FAM20C: variants seen among roughly 807,000 people sequenced by gnomAD.
FAM20C encodes the protein FAM20C golgi associated secretory pathway kinase, also known as extracellular serine/threonine protein kinase FAM20C.
In FAM20C, 40 loss-of-function variants were observed where a neutral mutation model predicts 51.5. That is an observed-to-expected ratio of 0.78 (90% CI 0.60 to 1.01). The LOEUF (loss-of-function observed/expected upper bound fraction) is 1.01. FAM20C is among the 50% of genes least tolerant of loss of function. FAM20C has a pLI of 0.00. For missense variants in FAM20C, 861 were observed against 844.7 expected (o/e 1.02, Z -0.24); for synonymous variants, 406 against 380.6 (o/e 1.07, Z -0.78).
rs1026706693 is a variant in FAM20C at position 248,580 on chromosome 7, C to G, written c.1072+150C>G. On this transcript the variant is annotated intron_variant, in intron 5 of 9. Transcript: ENST00000313766. ...GGCCCACATTCACCTCTCCAGGTAG[C>G]CTGGCACGGGGGGCCGCATTCATCT... The G allele has an allele frequency of 1.5e-5, 9 of 585,504 alleles. No individual in the cohort carries two copies. Among genetic ancestry groups the G allele is most frequent in the African/African-American group, 7.9e-5 (4 of 50,586 alleles). 36.3% of individuals were successfully genotyped at this position (585,504 alleles called of 1,614,324 possible). A position where few individuals can be genotyped will look rare whatever the true frequency, so the allele number is the denominator to read the frequency against.
At chr7:208,782 G>T (rs1388426669) in intron 2 of FAM20C, 116 bp from the exon 3 acceptor site, 1 of 980,400 alleles carries the variant, frequency 1.0e-6, no homozygotes, top group East Asian at 2.7e-5. Flanking sequence ...AGGCAGAGTG[G>T]GACCCCTGGA....
chr7:225,668 G>A (rs1787412937), intron 3 of FAM20C, among the ~76,000 whole-genome samples: 1 of 22,156 alleles, frequency 4.5e-5, no homozygotes, highest in Non-Finnish European at 8.2e-5. Context: ...TGAGCAGAAC[G>A]GCACCGTCAC....
chr7:210,301 G>A (rs1786651563), intron 3 of FAM20C, among the ~76,000 whole-genome samples: 1 of 152,164 alleles, frequency 6.6e-6, no homozygotes, highest in Non-Finnish European at 1.5e-5. Flanking sequence ...TGGGCCTCTC[G>A]TGGCCTCTGC....
At chr7:210,176 G>A (rs1049871682) in intron 3 of FAM20C, among the ~76,000 whole-genome samples, 10 of 152,230 alleles carry the variant, frequency 6.6e-5, no homozygotes, top group South Asian at 2.1e-4. Context: ...TGGGATGAAC[G>A]CACGGGAGCT....
At chr7:258,532 C>T (rs1234041516) in intron 8 of FAM20C, 114 bp from the exon 9 acceptor site, 2 of 1,052,206 alleles carry the variant, frequency 1.9e-6, no homozygotes, top group Admixed American at 2.0e-5. Flanking sequence ...TGGGTGGACC[C>T]ACTGCCTGGG....
At position 246,402 on chromosome 7, in the gene FAM20C, C is replaced by A; in HGVS notation, c.864-13C>A. On this transcript the variant is annotated splice_polypyrimidine_tract_variant and intron_variant, in intron 3 of 9. Transcript: ENST00000313766. ...AGTGACAAACCGTTTCTGTTTCTGTCTTGTTTTCTCAGACAAACGAGGGAG... is the reference window on the plus strand; with the variant it reads ...AGTGACAAACCGTTTCTGTTTCTGTATTGTTTTCTCAGACAAACGAGGGAG... 1 of 1,408,384 alleles carries A rather than the reference C, an allele frequency of 7.1e-7. No homozygotes were observed. The highest frequency in any genetic ancestry group is 9.3e-7 in the Non-Finnish European group (1 of 1,073,072). The allele number at this position is 1,408,384 out of a possible 1,614,324, so 87.2% of individuals were successfully genotyped here.
rs567474179 is a variant in FAM20C, at chr7:212,238, G to A, written c.863+3262G>A. On this transcript the variant is annotated intron_variant, in intron 3 of 9. Coordinates refer to ENST00000313766, the MANE Select transcript of FAM20C (RefSeq NM_020223.4). ...AGCACTTCGGGAGGCCGAGGCTGGC[G>A]GATCATTTGAATCCAGGAGTTCAAG... is the stretch of plus-strand genomic sequence containing the variant. Among the ~76,000 whole-genome samples the A allele has an allele frequency of 9.2e-5, 14 of 152,330 alleles. No homozygotes were observed. In the East Asian group the frequency reaches 1.5e-3, roughly 17 times the overall value.
chr7:194,026 G>A (rs1785728352), intron 1 of FAM20C: 1 of 656,442 alleles, frequency 1.5e-6, no homozygotes. Context: ...TGTGCCCTGT[G>A]GCTGCTGGTG....
At chr7:205,841 C>A (rs1034607921) in intron 2 of FAM20C, among the ~76,000 whole-genome samples, 6 of 152,122 alleles carry the variant, frequency 3.9e-5, no homozygotes, top group Non-Finnish European at 7.4e-5. Context: ...CCAGGCCCCC[C>A]ACGAAGCCCG....
At position 208,913 on chromosome 7, in the gene FAM20C, G is replaced by A. The variant is rs754940345; in HGVS notation, c.800G>A (p.Gly267Asp). 1.3e-6 allele frequency: 2 copies of A among 1,578,112 alleles called. No homozygotes were observed. The highest frequency in any genetic ancestry group is 2.3e-5 in the East Asian group (1 of 42,864). The stretch of plus-strand genomic sequence containing the variant: ...CTTCCTGCAGCCATGAAGTCGGGGG[G>A]CACGCAGCTGAAGCTCATCATGACC... ...RITSVAMKSGGTQLKLIMTFQ... is the reference protein window; with the variant it reads ...RITSVAMKSGDTQLKLIMTFQ... The change falls in exon 3 of 10, where the codon GGC becomes GAC. Residue 267 changes from glycine (G) to aspartate (D), a missense_variant. By Grantham distance (94) the Gly-to-Asp change is moderately conservative. Coordinates refer to ENST00000313766, the MANE Select transcript of FAM20C (RefSeq NM_020223.4).
intron 5 of FAM20C, among the ~76,000 whole-genome samples, chr7:252,214 C>T (rs944758011): frequency 2.0e-5 from 3 of 151,568 alleles, no homozygotes; most frequent in Non-Finnish European, 2.9e-5. Flanking sequence ...CTCGGCCTCC[C>T]GACCAAGGAT....
intron 7 of FAM20C, 52 bp downstream of exon 7, chr7:256,815 G>C: frequency 2.7e-6 from 4 of 1,482,878 alleles, no homozygotes; most frequent in Non-Finnish European, 2.7e-6. Flanking sequence ...TGCGTGGAGC[G>C]GATGCACGCA....
In FAM20C at chr7:220,570, G is replaced by T. The variant is rs373820394; in HGVS notation, c.863+11594G>T. Among the ~76,000 whole-genome samples, 35 of 152,318 alleles carry T rather than the reference G, an allele frequency of 2.3e-4. No homozygotes were observed. The East Asian group carries it at 5.8e-3, about 25-fold the overall frequency. Reference sequence around the variant, plus strand: ...CTCTCCCACAAACTGAGTTAAGCATGACCTCTGTGTAGGCACCGCCTGGGG... The same window carrying T: ...CTCTCCCACAAACTGAGTTAAGCATTACCTCTGTGTAGGCACCGCCTGGGG... On this transcript the variant is annotated intron_variant, in intron 3 of 9. Transcript: ENST00000313766.
At chr7:223,217 A>AAGTGTGGGCGTGTACAGC (rs1787319352) in intron 3 of FAM20C, among the ~76,000 whole-genome samples, 1 of 152,102 alleles carries the variant, frequency 6.6e-6, no homozygotes, top group Admixed American at 6.5e-5. Flanking sequence ...CCAAAGCCTG[A>AAGTGTGGGCGTGTACAGC]AGTGTGGGCG....
intron 3 of FAM20C, 58 bp downstream of exon 3, chr7:209,034 C>A: frequency 6.6e-7 from 1 of 1,515,926 alleles, no homozygotes; most frequent in Non-Finnish European, 9.0e-7. Flanking sequence ...GGCGAGCAGG[C>A]GCCGGGCTTC....
At chr7:201,137 A>G (rs1786109851) in intron 2 of FAM20C, among the ~76,000 whole-genome samples, 1 of 152,044 alleles carries the variant, frequency 6.6e-6, no homozygotes, top group African/African-American at 2.4e-5. Context: ...GTGAGGCCCT[A>G]CTTCCAGCAC....
rs1785829555 is a variant in FAM20C at position 195,648 on chromosome 7, A to G, written c.700A>G (p.Asn234Asp). The change falls in exon 2 of 10, where the codon AAC becomes GAC. Residue 234 changes from asparagine to aspartate, a missense_variant. This residue lies in a region of FAM20C where 561 missense variants were observed against 499.8 expected (regional missense o/e 1.12). Coordinates refer to ENST00000313766, the MANE Select transcript of FAM20C (RefSeq NM_020223.4). ...PNWLKFHIGI[N>D]RYELYSRHNP... ...CTGGCTCAAGTTCCACATTGGTATC[A>G]ACCGGTACGAGCTGTACTCCAGACA... 1 of 1,611,280 alleles carries G rather than the reference A, an allele frequency of 6.2e-7. No individual in the cohort carries two copies. Among genetic ancestry groups the G allele is most frequent in the African/African-American group, 1.3e-5 (1 of 74,848 alleles).
At chr7:209,416 G>A (rs1323635078) in intron 3 of FAM20C, among the ~76,000 whole-genome samples, 1 of 152,192 alleles carries the variant, frequency 6.6e-6, no homozygotes, top group Non-Finnish European at 1.5e-5. Flanking sequence ...TTCAGCGGGT[G>A]GTCCTAGCCC....
Position 259,879 on chromosome 7 carries a change from G to T in FAM20C, c.1654G>T (p.Val552Phe), listed in dbSNP as rs753843872. ...GGAGGCCCTGGACCGGCGGCTCCGC[G>T]TCGTGCTAAAGGCCGTCCGGGACTG... The part of the protein sequence containing the change: ...HLEALDRRLR[V>F]VLKAVRDCVE... The change falls in exon 10 of 10, where the codon GTC becomes TTC. Residue 552 changes from valine to phenylalanine, a missense_variant. Around this residue, in one of 3 missense-constraint regions of FAM20C, gnomAD observed 269 missense variants for 283.8 expected, o/e 0.95. Coordinates refer to ENST00000313766, the MANE Select transcript of FAM20C (RefSeq NM_020223.4). The T allele has an allele frequency of 3.8e-5, 59 of 1,536,192 alleles. No homozygotes were observed. The highest frequency in any genetic ancestry group is 5.1e-5 in the Non-Finnish European group (59 of 1,146,726).
Sources: allele counts gnomAD v4.1 joint callset (sites outside exome capture counted in the v4.1 genomes callset), GRCh38; gene constraint gnomAD v4.1.1; regional missense constraint gnomAD v4.1.1; transcripts MANE v1.5; gene names NCBI Gene and HGNC (gene_info 2026-07-23, HGNC 2026-07-21).